AURKB: variants seen among roughly 807,000 people sequenced by gnomAD.
AURKB encodes aurora kinase B-Sv1.
In AURKB, 28 loss-of-function variants were observed where a neutral mutation model predicts 36.5. The observed-to-expected ratio is 0.77, with a 90% CI of 0.57 to 1.05. The LOEUF (loss-of-function observed/expected upper bound fraction) is 1.05. AURKB is among the 50% of genes least tolerant of loss of function. AURKB has a pLI of 0.00. For missense variants in AURKB, 383 were observed against 447.4 expected (o/e 0.86, Z 1.30); for synonymous variants, 175 against 172.9 (o/e 1.01, Z -0.09).
rs1985440478 is a variant in AURKB at position 8,207,217 on chromosome 17, C to T, written c.357G>A (p.Glu119=). The change falls in exon 5 of 9, where the codon GAG becomes GAA. Residue 119 remains glutamate (E), a synonymous_variant. Transcript: ENST00000585124. Reference sequence around the variant, plus strand: ...TTTCGATCTCTCTGCGCAGCTGATGCTCCACGCCCTCCTTCTCTATCTGGG... The same window carrying T: ...TTTCGATCTCTCTGCGCAGCTGATGTTCCACGCCCTCCTTCTCTATCTGGG... ...FKSQIEKEGV[E]HQLRREIEIQ... 1 of 1,614,048 alleles carries T rather than the reference C, an allele frequency of 6.2e-7. No individual in the cohort carries two copies. Among genetic ancestry groups the T allele is most frequent in the African/African-American group, 1.3e-5 (1 of 74,926 alleles).
At position 8,207,835 on chromosome 17, in the gene AURKB, T is replaced by A; in HGVS notation, c.54A>T (p.Pro18=). ...GCTGGGGCAGGGTGCTCAGGCCAGA[T>A]GGAGCCTGAGAAGGAGCAGGGGGTA... The part of the protein sequence containing the change: ...YPWPYGRQTA[P]SGLSTLPQRV... The change falls in exon 3 of 9, where the codon CCA becomes CCT. Residue 18 remains proline (P), a synonymous_variant. Transcript: ENST00000585124. The A allele has an allele frequency of 2.5e-6, 4 of 1,612,412 alleles. 1 individual carries two copies. In the South Asian group the frequency reaches 4.4e-5, roughly 18 times the overall value.
At position 8,206,316 on chromosome 17, in the gene AURKB, A is replaced by G. The variant is rs1293836832; in HGVS notation, c.686+175T>C. On this transcript the variant is annotated intron_variant, in intron 7 of 8. Transcript: ENST00000585124. The surrounding 1 kb of genome is among the most constrained non-coding windows in gnomAD (Gnocchi z 4.2). The stretch of plus-strand genomic sequence containing the variant: ...CGGCTAATTTTTGTATATTTAGTAG[A>G]GACAAGGTTTCATCATGTTGGCAAA... 1.3e-5 allele frequency among the ~76,000 whole-genome samples: 2 copies of G among 151,274 alleles called. No homozygotes were observed. The highest frequency in any genetic ancestry group is 1.3e-4 in the Admixed American group (2 of 15,190).
Position 8,204,760 on chromosome 17 carries a change from TAAAC to T in AURKB, c.*107_*110del. On this transcript the variant is annotated 3_prime_UTR_variant, in exon 9 of 9. Coordinates refer to ENST00000585124, the MANE Select transcript of AURKB (RefSeq NM_004217.4). The stretch of plus-strand genomic sequence containing the variant: ...GAGTACAAAAAGCTTCAGCCTTTAT[TAAAC>T]AAAGGAGGAGGTAGAAAACAGATAA... The T allele has an allele frequency of 2.1e-6, 3 of 1,440,184 alleles. No homozygotes were observed. Among genetic ancestry groups the T allele is most frequent in the Admixed American group, 4.3e-5 (2 of 46,758 alleles). The allele number at this position is 1,440,184 out of a possible 1,614,324, so 89.2% of individuals were successfully genotyped here. A position where few individuals can be genotyped will look rare whatever the true frequency, so the allele number is the denominator to read the frequency against.
chr17:8,207,333 G>T lies in AURKB; in HGVS notation c.241C>A (p.Arg81Ser). The T allele has an allele frequency of 6.2e-7, 1 of 1,614,104 alleles. No homozygotes were observed. Among genetic ancestry groups the T allele is most frequent in the Non-Finnish European group, 8.5e-7 (1 of 1,180,018 alleles). ...HFTIDDFEIGRPLGKGKFGNV... is the reference protein window; with the variant it reads ...HFTIDDFEIGSPLGKGKFGNV... The stretch of plus-strand genomic sequence containing the variant: ...CCAAACTTGCCTTTGCCCAGAGGAC[G>T]CCCAATCTCAAAGTCATCAATTGTG... The change falls in exon 5 of 9, where the codon CGT becomes AGT. Residue 81 changes from arginine to serine, a missense_variant. Coordinates refer to ENST00000585124, the MANE Select transcript of AURKB (RefSeq NM_004217.4).
At position 8,204,807 on chromosome 17, in the gene AURKB, C is replaced by A. The variant is rs1984983743; in HGVS notation, c.*64G>T. 1 of 1,577,448 alleles carries A rather than the reference C, an allele frequency of 6.3e-7. No individual in the cohort carries two copies. Among genetic ancestry groups the A allele is most frequent in the Non-Finnish European group, 8.6e-7 (1 of 1,161,528 alleles). On this transcript the variant is annotated 3_prime_UTR_variant, in exon 9 of 9. Coordinates refer to ENST00000585124, the MANE Select transcript of AURKB (RefSeq NM_004217.4). ...ACAGATAAGGGAACAGTTAGGGATC[C>A]CTTCTTTCCCCTATACATACACAGA...
At chr17:8,205,584 C>T (rs1417739700) in intron 7 of AURKB, among the ~76,000 whole-genome samples, 194 bp from the exon 8 acceptor site, 1 of 152,128 alleles carries the variant, frequency 6.6e-6, no homozygotes, top group Non-Finnish European at 1.5e-5. Flanking sequence ...CTGCACACAG[C>T]CCAGCAACTC....
chr17:8,204,808 C>T lies in AURKB; in HGVS notation c.*63G>A. 6.3e-7 allele frequency: 1 copy of T among 1,584,010 alleles called. No homozygotes were observed. The highest frequency in any genetic ancestry group is 8.6e-7 in the Non-Finnish European group (1 of 1,165,402). ...CAGATAAGGGAACAGTTAGGGATCCCTTCTTTCCCCTATACATACACAGAC... is the reference window on the plus strand; with the variant it reads ...CAGATAAGGGAACAGTTAGGGATCCTTTCTTTCCCCTATACATACACAGAC... On this transcript the variant is annotated 3_prime_UTR_variant, in exon 9 of 9. Transcript: ENST00000585124.
intron 7 of AURKB, among the ~76,000 whole-genome samples, chr17:8,205,855 C>T (rs972847243): frequency 6.6e-6 from 1 of 151,954 alleles, no homozygotes; most frequent in South Asian, 2.1e-4. Flanking sequence ...TCAAGTGATT[C>T]TCATGTCTCA....
Position 8,206,596 on chromosome 17 carries a change from T to G in AURKB, c.581A>C (p.Lys194Thr), listed in dbSNP as rs757425325. The part of the protein sequence containing the change: ...LADALMYCHG[K>T]KVIHRDIKPE... ...CTTTATGTCTCTGTGAATCACCTTC[T>G]TCCCATGGCAGTACATTAGAGCATC... The change falls in exon 7 of 9, where the codon AAG (lysine) becomes ACG (threonine). Residue 194 changes from lysine (K) to threonine (T), a missense_variant. Lys to Thr is a moderately conservative substitution (Grantham distance 78, BLOSUM62 -1). This residue lies in a region of AURKB where 219 missense variants were observed against 252.6 expected (regional missense o/e 0.87). Coordinates refer to ENST00000585124, the MANE Select transcript of AURKB (RefSeq NM_004217.4). This position sits in a 1 kb window ranked among gnomAD's most constrained non-coding sequence, Gnocchi z 4.2. 2 of 1,614,084 alleles carry G rather than the reference T, an allele frequency of 1.2e-6. No individual in the cohort carries two copies. The highest frequency in any genetic ancestry group is 1.7e-6 in the Non-Finnish European group (2 of 1,180,050).
Position 8,206,698 on chromosome 17 carries a change from A to G in AURKB, c.537+52T>C. 1.2e-5 allele frequency: 19 copies of G among 1,612,830 alleles called. 1 individual carries two copies. In the South Asian group the frequency reaches 2.0e-4, roughly 17 times the overall value. ...ATGGACCTCCAGCTACAAGCAGCAC[A>G]CCCTCAGCCTCGAGCCCCCTACTGG... is the stretch of plus-strand genomic sequence containing the variant. On this transcript the variant is annotated intron_variant, in intron 6 of 8. Transcript: ENST00000585124. The surrounding 1 kb of genome is among the most constrained non-coding windows in gnomAD (Gnocchi z 4.2).
chr17:8,209,756 A>G (rs1985855647), intron 2 of AURKB, among the ~76,000 whole-genome samples: 1 of 152,254 alleles, frequency 6.6e-6, no homozygotes, highest in Admixed American at 6.5e-5. Context: ...CAATTTAGTC[A>G]TTAATTCCAA....
At chr17:8,210,022 A>T in intron 2 of AURKB, 155 bp downstream of exon 2, 1 of 968,562 alleles carries the variant, frequency 1.0e-6, no homozygotes, top group African/African-American at 1.6e-5. Flanking sequence ...ACAAATGACC[A>T]GAGCGGGTTC....
chr17:8,207,630 G>T lies in AURKB; in HGVS notation c.152-5C>A. On this transcript the variant is annotated splice_polypyrimidine_tract_variant and splice_region_variant and intron_variant, in intron 3 of 8. Coordinates refer to ENST00000585124, the MANE Select transcript of AURKB (RefSeq NM_004217.4). ...TCACCTTCTGGCCAGGGGCAGCTAA[G>T]GAGAGAACAGGTAGGTTGAATGCGA... 1 of 1,614,010 alleles carries T rather than the reference G, an allele frequency of 6.2e-7. No homozygotes were observed. Among genetic ancestry groups the T allele is most frequent in the African/African-American group, 1.3e-5 (1 of 75,030 alleles).
chr17:8,205,405 G>T lies in AURKB; in HGVS notation c.687-15C>A, dbSNP rs1381128408. ...TTGTCTTCCTCCTGGGAGGGATAAGGGGCGTGGGCAGGGGTCCTAGTGACA... is the reference window on the plus strand; with the variant it reads ...TTGTCTTCCTCCTGGGAGGGATAAGTGGCGTGGGCAGGGGTCCTAGTGACA... On this transcript the variant is annotated splice_polypyrimidine_tract_variant and intron_variant, in intron 7 of 8. Coordinates refer to ENST00000585124, the MANE Select transcript of AURKB (RefSeq NM_004217.4). 2 of 1,613,190 alleles carry T rather than the reference G, an allele frequency of 1.2e-6. No individual in the cohort carries two copies. The highest frequency in any genetic ancestry group is 2.2e-5 in the East Asian group (1 of 44,880).
At chr17:8,207,145 G>C (rs751176876) in intron 5 of AURKB, 31 bp downstream of exon 5, 1 of 1,596,594 alleles carries the variant, frequency 6.3e-7, no homozygotes, top group Non-Finnish European at 8.6e-7. Flanking sequence ...GGGAGCAGAG[G>C]GGCTTCGGCT....
chr17:8,209,904 C>T, intron 2 of AURKB: 5 of 541,506 alleles, frequency 9.2e-6, no homozygotes, highest in Non-Finnish European at 1.6e-5. Context: ...GCCCTGCCTG[C>T]TCAGTCCCAG....
At chr17:8,209,410 A>C (rs1985820829) in intron 2 of AURKB, among the ~76,000 whole-genome samples, 1 of 152,204 alleles carries the variant, frequency 6.6e-6, no homozygotes, top group Non-Finnish European at 1.5e-5. Flanking sequence ...TGACAGCCTC[A>C]CTCAGTGCTC....
At chr17:8,209,439 T>C (rs1309484979) in intron 2 of AURKB, among the ~76,000 whole-genome samples, 2 of 152,216 alleles carry the variant, frequency 1.3e-5, no homozygotes, top group Non-Finnish European at 2.9e-5. Context: ...AGGGAGCTGA[T>C]GTACAAGGGA....
At chr17:8,205,750 G>A (rs1273710046) in intron 7 of AURKB, among the ~76,000 whole-genome samples, 1 of 152,050 alleles carries the variant, frequency 6.6e-6, no homozygotes, top group Non-Finnish European at 1.5e-5. Flanking sequence ...TGATGTGGGA[G>A]GAAAAAAGGC....
Sources: allele counts gnomAD v4.1 joint callset (sites outside exome capture counted in the v4.1 genomes callset), GRCh38; gene constraint gnomAD v4.1.1; regional missense constraint gnomAD v4.1.1; non-coding constraint Gnocchi (gnomAD v3.1); transcripts MANE v1.5; gene names NCBI Gene and HGNC (gene_info 2026-07-23, HGNC 2026-07-21).